P4HA1: variants seen among roughly 807,000 people sequenced by gnomAD.
P4HA1 encodes prolyl 4-hydroxylase subunit alpha 1, also known as prolyl 4-hydroxylase subunit alpha-1.
P4HA1 carries 24 observed loss-of-function variants against 72.8 expected under a neutral mutation model. The observed-to-expected ratio is 0.33, with a 90% CI of 0.24 to 0.46. The LOEUF (loss-of-function observed/expected upper bound fraction) is 0.46. P4HA1 is among the 20% of genes least tolerant of loss of function. P4HA1 has a pLI of 1.00. For missense variants in P4HA1, 446 were observed against 640.6 expected (o/e 0.70, Z 3.28); for synonymous variants, 201 against 218.8 (o/e 0.92, Z 0.72).
chr10:73,015,774 G>T (rs541877161), intron 11 of P4HA1, among the ~76,000 whole-genome samples: 3 of 152,020 alleles, frequency 2.0e-5, no homozygotes, highest in African/African-American at 7.2e-5. Context: ...CTAAGTTTGG[G>T]ATCATTGTTC....
chr10:73,073,820 C>CATCT lies in P4HA1; in HGVS notation c.80_83dup (p.Met28IlefsTer4). On this transcript the variant is annotated frameshift_variant, in exon 3 of 15. Coordinates refer to ENST00000394890, the MANE Select transcript of P4HA1 (RefSeq NM_001017962.3). LOFTEE classifies it high-confidence loss of function. ...CTTTCTCAGTATGGATCAAATCAGT[C>CATCT]ATCTGACCTAGAAGGGGAAGAAGGT... 6.6e-7 allele frequency: 1 copy of CATCT among 1,520,350 alleles called. No homozygotes were observed. The highest frequency in any genetic ancestry group is 9.1e-7 in the Non-Finnish European group (1 of 1,095,658). The allele number at this position is 1,520,350 out of a possible 1,614,324, so 94.2% of individuals were successfully genotyped here.
chr10:73,058,119 A>AAAAG (rs1841202346), intron 5 of P4HA1, among the ~76,000 whole-genome samples: 1 of 133,114 alleles, frequency 7.5e-6, no homozygotes, highest in African/African-American at 3.7e-5. Context: ...AAAAAAAAAA[A>AAAAG]GGTGAATAAA....
chr10:73,095,494 A>G (rs1842144906), intron 1 of P4HA1, among the ~76,000 whole-genome samples: 1 of 151,646 alleles, frequency 6.6e-6, no homozygotes, highest in African/African-American at 2.4e-5. Flanking sequence ...TAAACCTAAA[A>G]GGGGAAATAC....
rs1213533249 is a variant in P4HA1, at chr10:73,072,061, A to C, written c.293T>G (p.Leu98Trp). 6.2e-7 allele frequency: 1 copy of C among 1,613,114 alleles called. No homozygotes were observed. The highest frequency in any genetic ancestry group is 2.2e-5 in the East Asian group (1 of 44,836). The change falls in exon 4 of 15, where the codon TTG becomes TGG. Residue 98 changes from leucine to tryptophan, a missense_variant. Transcript: ENST00000394890. Reference protein sequence around the residue: ...MKRLNTEWSELENLVLKDMSD... With the variant: ...MKRLNTEWSEWENLVLKDMSD... ...CATATCCTTAAGGACCAGATTCTCC[A>C]ACTCACTCCACTCAGTATTCAGACG...
intron 1 of P4HA1, among the ~76,000 whole-genome samples, chr10:73,089,021 A>AT: frequency 6.6e-6 from 1 of 152,212 alleles, no homozygotes; most frequent in Non-Finnish European, 1.5e-5. Flanking sequence ...TAATTTCTAT[A>AT]AGAAATCCTC....
At chr10:73,064,386 G>T (rs891890903) in intron 5 of P4HA1, among the ~76,000 whole-genome samples, 1 of 152,030 alleles carries the variant, frequency 6.6e-6, no homozygotes. Flanking sequence ...GAGGTAGGAG[G>T]ATCACCTTAG....
At position 73,014,302 on chromosome 10, in the gene P4HA1, A is replaced by G. The variant is rs767827651; in HGVS notation, c.1303-13T>C. On this transcript the variant is annotated splice_polypyrimidine_tract_variant and intron_variant, in intron 11 of 14. Transcript: ENST00000394890. ...CTGGCTCATCTTTCTGTGAATAAAA[A>G]CACAGTAAATTCAATGGTGTAAAAA... is the stretch of plus-strand genomic sequence containing the variant. The G allele has an allele frequency of 6.3e-7, 1 of 1,599,160 alleles. No homozygotes were observed. Among genetic ancestry groups the G allele is most frequent in the South Asian group, 1.1e-5 (1 of 90,670 alleles).
intron 5 of P4HA1, 75 bp downstream of exon 5, chr10:73,068,771 T>C: frequency 8.4e-7 from 1 of 1,191,020 alleles, no homozygotes. Flanking sequence ...GTCTTTTTTA[T>C]ACTAACATTG....
chr10:73,020,212 A>G (rs1050382656), intron 10 of P4HA1, among the ~76,000 whole-genome samples: 1 of 152,158 alleles, frequency 6.6e-6, no homozygotes, highest in Admixed American at 6.5e-5. Context: ...CAAAGGTGAC[A>G]TTACAACTGA....
In P4HA1 at chr10:73,009,828, C is replaced by G; in HGVS notation, c.1513G>C (p.Val505Leu). The G allele has an allele frequency of 6.2e-7, 1 of 1,602,164 alleles. No homozygotes were observed. The highest frequency in any genetic ancestry group is 8.6e-7 in the Non-Finnish European group (1 of 1,169,192). Reference sequence around the variant, plus strand: ...TTACCCCATTTGTTGCCAACTAGCACTGGACAGGCTGCATGCCGTGTACTA... The same window carrying G: ...TTACCCCATTTGTTGCCAACTAGCAGTGGACAGGCTGCATGCCGTGTACTA... ...DYSTRHAACP[V>L]LVGNKWVSNK... is the part of the protein sequence containing the mutation. Residue 505 changes from valine to leucine, a missense_variant, in exon 14 of 15, where the codon GTG (valine) becomes CTG (leucine). Transcript: ENST00000394890.
chr10:73,051,621 T>C (rs1403182092), intron 6 of P4HA1, among the ~76,000 whole-genome samples: 1 of 151,798 alleles, frequency 6.6e-6, no homozygotes. Context: ...TAGCTGGGCG[T>C]GGTGGTGGGT....
At chr10:73,084,757 G>A (rs1181479054) in intron 1 of P4HA1, among the ~76,000 whole-genome samples, 2 of 152,170 alleles carry the variant, frequency 1.3e-5, no homozygotes, top group Non-Finnish European at 2.9e-5. Context: ...ATTTGCAACA[G>A]CAACACTTAA....
intron 10 of P4HA1, among the ~76,000 whole-genome samples, chr10:73,026,755 GA>G (rs1248927344): frequency 6.6e-6 from 1 of 151,622 alleles, no homozygotes; most frequent in African/African-American, 2.4e-5. Flanking sequence ...AAATTTACAA[GA>G]AAAAAACAAC....
intron 5 of P4HA1, among the ~76,000 whole-genome samples, chr10:73,065,716 A>G (rs1009482335): frequency 2.0e-5 from 3 of 152,166 alleles, no homozygotes; most frequent in Non-Finnish European, 4.4e-5. Flanking sequence ...CAAATACCCT[A>G]TGATTTCTTA....
chr10:73,083,447 A>C (rs1841864464), intron 1 of P4HA1, among the ~76,000 whole-genome samples: 1 of 152,248 alleles, frequency 6.6e-6, no homozygotes. Context: ...GATTCATATT[A>C]GAAGTCAGCT....
chr10:73,010,889 A>G, intron 13 of P4HA1, 80 bp downstream of exon 13: 1 of 997,394 alleles, frequency 1.0e-6, no homozygotes, highest in South Asian at 1.4e-5. Flanking sequence ...AATGTAATTC[A>G]TTAATTAGAC....
At chr10:73,058,774 C>CTTTTTTTT (rs151028824) in intron 5 of P4HA1, among the ~76,000 whole-genome samples, 13 of 123,828 alleles carry the variant, frequency 1.0e-4, no homozygotes, top group African/African-American at 3.5e-4. Context: ...TTATAGTATG[C>CTTTTTTTT]TTTTTTTTTT....
At chr10:73,074,325 A>G (rs78471196) in intron 2 of P4HA1, among the ~76,000 whole-genome samples, 1 of 152,042 alleles carries the variant, frequency 6.6e-6, no homozygotes, top group East Asian at 1.9e-4. Context: ...TAAGTATATA[A>G]TACTTATGGG....
intron 1 of P4HA1, among the ~76,000 whole-genome samples, chr10:73,080,960 T>C (rs938606302): frequency 1.3e-5 from 2 of 152,222 alleles, no homozygotes; most frequent in African/African-American, 4.8e-5. Flanking sequence ...ATGGTTTCCT[T>C]ATGGTGTCTC....
Sources: gnomAD v4.1 joint callset for allele counts (sites outside exome capture counted in the v4.1 genomes callset) on GRCh38, gnomAD v4.1.1 for gene constraint, MANE v1.5 for transcripts, NCBI Gene and HGNC (gene_info 2026-07-23, HGNC 2026-07-21) for gene names.